ITPK1: variants seen among roughly 807,000 people sequenced by gnomAD.
The protein encoded by ITPK1 is inositol-tetrakisphosphate 1-kinase.
A neutral mutation model predicts 45.3 loss-of-function variants in ITPK1; 21 were observed. The ratio of observed to expected loss-of-function variants is 0.46; its 90% CI spans 0.33 to 0.67. The LOEUF (loss-of-function observed/expected upper bound fraction) is 0.67, where lower values mean the gene tolerates loss of function less well. Among genes scored for constraint, ITPK1 ranks in the 30% least tolerant of loss-of-function variants. The probability of loss-of-function intolerance (pLI) is 0.02; values close to 1 mark genes in which losing one functional copy is unlikely to be tolerated. For missense variants in ITPK1, 474 were observed against 573.5 expected, an observed-to-expected ratio of 0.83 and a Z score of 1.77; for synonymous variants, 258 against 253.6, an observed-to-expected ratio of 1.02 and a Z score of -0.16.
chr14:92,981,324 T>C (rs1308128614), intron 5 of ITPK1, among the ~76,000 whole-genome samples: 1 of 152,226 alleles, frequency 6.6e-6, no homozygotes, highest in Non-Finnish European at 1.5e-5. Context: ...AAACTGGCCC[T>C]GGAGGCCCTC....
In ITPK1 at chr14:93,012,291, T is replaced by C. The variant is rs557076174; in HGVS notation, c.246+4385A>G. ...ACTTCCGAAGGGCATGAAGGAAAAGTGCAAAGTTGGCAGGGCCTGGGACGA... is the reference window on the plus strand; with the variant it reads ...ACTTCCGAAGGGCATGAAGGAAAAGCGCAAAGTTGGCAGGGCCTGGGACGA... On this transcript the variant is annotated intron_variant, in intron 4 of 10. Transcript: ENST00000267615. This position sits in a 1 kb window ranked among gnomAD's most constrained non-coding sequence, Gnocchi z 4.9. 2.6e-5 allele frequency among the ~76,000 whole-genome samples: 4 copies of C among 152,270 alleles called. No homozygotes were observed. The highest frequency in any genetic ancestry group is 2.1e-4 in the South Asian group (1 of 4,824).
At chr14:92,980,878 T>G (rs1009336564) in intron 5 of ITPK1, among the ~76,000 whole-genome samples, 1 of 152,176 alleles carries the variant, frequency 6.6e-6, no homozygotes, top group East Asian at 1.9e-4. Flanking sequence ...CAGCTAATTT[T>G]TGTATTTTTA....
At position 92,939,672 on chromosome 14, in the gene ITPK1, G is replaced by A. The variant is rs570671160; in HGVS notation, c.*1889C>T. 3 of 984,992 alleles carry A rather than the reference G, an allele frequency of 3.0e-6. No individual in the cohort carries two copies. The highest frequency in any genetic ancestry group is 4.7e-5 in the South Asian group (1 of 21,266). The allele number at this position is 984,992 out of a possible 1,614,324, so 61.0% of individuals were successfully genotyped here. ...TACTCGGTATCTGGGCCCTGGACGCGCAAGACCCCGGAGGCCACAAACGGT... is the reference window on the plus strand; with the variant it reads ...TACTCGGTATCTGGGCCCTGGACGCACAAGACCCCGGAGGCCACAAACGGT... On this transcript the variant is annotated 3_prime_UTR_variant, in exon 11 of 11. Coordinates refer to ENST00000267615, the MANE Select transcript of ITPK1 (RefSeq NM_014216.6).
intron 3 of ITPK1, among the ~76,000 whole-genome samples, chr14:93,029,473 C>T (rs914679939): frequency 1.3e-5 from 2 of 152,070 alleles, no homozygotes; most frequent in African/African-American, 4.8e-5. Flanking sequence ...AAAATAAAGC[C>T]GTCTCTGGGC....
At chr14:93,057,408 TCACTCACTCACACA>T (rs1890252841) in intron 3 of ITPK1, among the ~76,000 whole-genome samples, 1 of 152,136 alleles carries the variant, frequency 6.6e-6, no homozygotes, top group Non-Finnish European at 1.5e-5. Flanking sequence ...ACTCACACAT[TCACTCACTCACACA>T]CACTTGCTCA....
chr14:93,046,202 T>C (rs772419551), intron 3 of ITPK1, among the ~76,000 whole-genome samples: 6 of 152,240 alleles, frequency 3.9e-5, no homozygotes, highest in Non-Finnish European at 7.3e-5. Context: ...CAGGACTTTC[T>C]TGTGGCCATT....
At chr14:92,965,016 T>G (rs1422736372) in intron 5 of ITPK1, among the ~76,000 whole-genome samples, 2 of 152,130 alleles carry the variant, frequency 1.3e-5, no homozygotes, top group South Asian at 4.2e-4. Flanking sequence ...GGCACAGAGG[T>G]GGCATTTCCC....
At chr14:93,038,648 C>T (rs563796951) in intron 3 of ITPK1, among the ~76,000 whole-genome samples, 2 of 152,326 alleles carry the variant, frequency 1.3e-5, no homozygotes, top group East Asian at 1.9e-4. Context: ...CTGCCTCAGC[C>T]TCCCATGTAG....
At chr14:92,991,813 G>A (rs898658091) in intron 5 of ITPK1, among the ~76,000 whole-genome samples, 3 of 152,174 alleles carry the variant, frequency 2.0e-5, no homozygotes, top group Admixed American at 2.0e-4. Context: ...ATCTAAGATG[G>A]ATGTGAAGAC....
At chr14:93,066,489 C>G (rs1462208095) in intron 3 of ITPK1, 1 of 320,428 alleles carries the variant, frequency 3.1e-6, no homozygotes, top group African/African-American at 2.2e-5. Context: ...ACTGCAAGCT[C>G]CGCCTCCCGC....
At chr14:92,981,473 C>T (rs976480351) in intron 5 of ITPK1, among the ~76,000 whole-genome samples, 10 of 152,176 alleles carry the variant, frequency 6.6e-5, no homozygotes, top group African/African-American at 1.7e-4. Flanking sequence ...ATACCACCTC[C>T]GCGAGAGCCC....
intron 10 of ITPK1, among the ~76,000 whole-genome samples, chr14:92,942,487 A>C (rs1472472081): frequency 1.3e-5 from 2 of 152,226 alleles, no homozygotes; most frequent in African/African-American, 4.8e-5. Context: ...TCTGCTTCAC[A>C]AAGCAGCTGC....
At chr14:93,051,707 C>A (rs1890019565) in intron 3 of ITPK1, among the ~76,000 whole-genome samples, 1 of 152,142 alleles carries the variant, frequency 6.6e-6, no homozygotes, top group Admixed American at 6.5e-5. Flanking sequence ...TTCAAGGAAC[C>A]CCTAGGGGTG....
At chr14:92,975,951 A>T (rs1490224700) in intron 5 of ITPK1, among the ~76,000 whole-genome samples, 1 of 152,204 alleles carries the variant, frequency 6.6e-6, no homozygotes, top group Admixed American at 6.5e-5. Context: ...TGGCTTTATA[A>T]GGGGCTCCCC....
intron 5 of ITPK1, among the ~76,000 whole-genome samples, chr14:92,974,233 G>A (rs1217671997): frequency 6.6e-6 from 1 of 152,190 alleles, no homozygotes; most frequent in Non-Finnish European, 1.5e-5. Context: ...AGGGGATTTG[G>A]GCGCTTCCGA....
chr14:93,113,808 A>G (rs1892838176), intron 2 of ITPK1, among the ~76,000 whole-genome samples: 1 of 152,218 alleles, frequency 6.6e-6, no homozygotes, highest in Admixed American at 6.5e-5. Context: ...CCCCATCCCC[A>G]GACCAAGGGA....
intron 7 of ITPK1, among the ~76,000 whole-genome samples, chr14:92,960,948 C>T (rs577758490): frequency 8.5e-5 from 13 of 152,340 alleles, no homozygotes; most frequent in East Asian, 5.8e-4. Flanking sequence ...GACAACGGGA[C>T]GGCGGGCTGT....
intron 2 of ITPK1, among the ~76,000 whole-genome samples, chr14:93,104,604 T>A (rs969558040): frequency 1.3e-5 from 2 of 152,186 alleles, no homozygotes; most frequent in African/African-American, 2.4e-5. Flanking sequence ...GAATCCAAGC[T>A]GTGCTGCTCA....
intron 5 of ITPK1, among the ~76,000 whole-genome samples, chr14:92,988,778 T>G (rs1473554567): frequency 6.6e-6 from 1 of 152,162 alleles, no homozygotes; most frequent in Non-Finnish European, 1.5e-5. Flanking sequence ...TCAAAGCCCC[T>G]CAGTATCCTC....
Sources: gnomAD v4.1 joint callset for allele counts (sites outside exome capture counted in the v4.1 genomes callset) on GRCh38, gnomAD v4.1.1 for gene constraint, Gnocchi (gnomAD v3.1) non-coding constraint, MANE v1.5 for transcripts, NCBI Gene and HGNC (gene_info 2026-07-23, HGNC 2026-07-21) for gene names.